DENND3: variants seen among roughly 807,000 people sequenced by gnomAD.
DENND3 encodes DENN domain-containing protein 3.
In DENND3, 88 loss-of-function variants were observed where a neutral mutation model predicts 135.1. The ratio of observed to expected loss-of-function variants is 0.65; its 90% confidence interval spans 0.55 to 0.78. The LOEUF (loss-of-function observed/expected upper bound fraction) is 0.78. DENND3 is among the 30% of genes least tolerant of loss of function. The pLI, the probability that DENND3 is intolerant of heterozygous loss-of-function variation, is 0.00. For missense variants in DENND3, 1,392 were observed against 1,688.4 expected (o/e 0.82, Z 3.08); for synonymous variants, 693 against 712.3 (o/e 0.97, Z 0.43).
rs531691992 is a variant in DENND3 at position 141,175,069 on chromosome 8, C to T, written c.2276-131C>T. On this transcript the variant is annotated intron_variant, in intron 13 of 22. Transcript: ENST00000519811. This position sits in a 1 kb window ranked among gnomAD's most constrained non-coding sequence, Gnocchi z 5.4. ...AACCTTCTAGGCAGTTTCCATCCAG[C>T]GCCCTGAGTGCTGGCGCCACCTGCT... 3.4e-5 allele frequency: 36 copies of T among 1,059,510 alleles called. 1 individual carries two copies. The South Asian group carries it at 3.8e-4, about 11-fold the overall frequency. 65.6% of individuals were successfully genotyped at this position (1,059,510 alleles called of 1,614,324 possible).
At chr8:141,157,815 A>C (rs2154613024) in intron 8 of DENND3, 1 of 968,766 alleles carries the variant, frequency 1.0e-6, no homozygotes, top group East Asian at 1.2e-4. Flanking sequence ...GCTGGGGTGC[A>C]GTGGCGTGAT....
At chr8:141,163,312 G>T (rs780986134) in intron 9 of DENND3, 21 bp from the exon 10 acceptor site, 1 of 1,469,502 alleles carries the variant, frequency 6.8e-7, no homozygotes, top group Admixed American at 1.8e-5. Context: ...TTAGCACTCA[G>T]ACTCTCTTTC....
At chr8:141,194,001 C>T (rs779375075) in intron 22 of DENND3, 32 bp from the exon 23 acceptor site, 4 of 1,605,608 alleles carry the variant, frequency 2.5e-6, no homozygotes, top group South Asian at 1.1e-5. Flanking sequence ...GGGCTTCTTT[C>T]CCTGCTGACC....
intron 1 of DENND3, among the ~76,000 whole-genome samples, 177 bp from the exon 2 acceptor site, chr8:141,136,332 G>A (rs910936058): frequency 3.3e-5 from 5 of 152,112 alleles, no homozygotes; most frequent in African/African-American, 1.2e-4. Context: ...TGAACATAGG[G>A]CCTGGCAGGT....
rs1484605973 is a variant in DENND3, at chr8:141,194,056, G to A, written c.3660G>A (p.Leu1220=). ...AGGTCTGGGTGGGCAGCCGAGGGCT[G>A]GGGCAGGGAACACCCAAGGGGAAAA... is the stretch of plus-strand genomic sequence containing the variant. ...KKQVWVGSRG[L]GQGTPKGKIY... Residue 1220 remains leucine (L), a synonymous_variant, in exon 23 of 23, where the codon CTG becomes CTA. Coordinates refer to ENST00000519811, the MANE Select transcript of DENND3 (RefSeq NM_001352890.3). 5 of 1,613,662 alleles carry A rather than the reference G, an allele frequency of 3.1e-6. No individual in the cohort carries two copies. Among genetic ancestry groups the A allele is most frequent in the Admixed American group, 3.3e-5 (2 of 60,004 alleles).
chr8:141,146,662 G>C lies in DENND3; in HGVS notation c.735+2403G>C, dbSNP rs57293146. On this transcript the variant is annotated intron_variant, in intron 5 of 22. Transcript: ENST00000519811. The surrounding 1 kb of genome is among the most constrained non-coding windows in gnomAD (Gnocchi z 4.3). Reference sequence around the variant, plus strand: ...ACATGATTGTGAACTTAAAATGTGCGTTTTTAACATTACCCCAACCCCAGC... The same window carrying C: ...ACATGATTGTGAACTTAAAATGTGCCTTTTTAACATTACCCCAACCCCAGC... Among the ~76,000 whole-genome samples, 1 of 152,066 alleles carries C rather than the reference G, an allele frequency of 6.6e-6. No homozygotes were observed. The highest frequency in any genetic ancestry group is 2.4e-5 in the African/African-American group (1 of 41,402).
At chr8:141,161,714 T>C (rs1480026631) in intron 9 of DENND3, among the ~76,000 whole-genome samples, 1 of 152,170 alleles carries the variant, frequency 6.6e-6, no homozygotes, top group Admixed American at 6.5e-5. Context: ...TTGAGGGGCC[T>C]TCCGCTTTGG....
chr8:141,190,568 CT>C, intron 20 of DENND3, 151 bp downstream of exon 20: 1 of 1,215,784 alleles, frequency 8.2e-7, no homozygotes, highest in Non-Finnish European at 1.1e-6. Context: ...TCGCAGCAAC[CT>C]TTACTCCACC....
intron 7 of DENND3, among the ~76,000 whole-genome samples, chr8:141,153,453 C>T (rs1190922569): frequency 1.3e-5 from 2 of 152,200 alleles, no homozygotes; most frequent in Non-Finnish European, 2.9e-5. Context: ...TGTCATGCGC[C>T]CCTCACAGTC....
chr8:141,156,042 T>C, intron 8 of DENND3, 72 bp downstream of exon 8: 3 of 1,490,938 alleles, frequency 2.0e-6, no homozygotes, highest in Non-Finnish European at 2.7e-6. Context: ...ACTTCGAGTA[T>C]CTTTTCCAAT....
Position 141,175,007 on chromosome 8 carries a change from A to G in DENND3, c.2276-193A>G, listed in dbSNP as rs1822144027. ...CTAGATCGTGTGCCCCTCCCTTGAC[A>G]GCTGGACACACCTGGGCTGCAGGGA... is the stretch of plus-strand genomic sequence containing the variant. On this transcript the variant is annotated intron_variant, in intron 13 of 22. Transcript: ENST00000519811. The surrounding 1 kb of genome is among the most constrained non-coding windows in gnomAD (Gnocchi z 5.4). Among the ~76,000 whole-genome samples, 1 of 152,118 alleles carries G rather than the reference A, an allele frequency of 6.6e-6. No individual in the cohort carries two copies. The highest frequency in any genetic ancestry group is 1.5e-5 in the Non-Finnish European group (1 of 68,024).
At chr8:141,147,334 T>C (rs531115699) in intron 5 of DENND3, among the ~76,000 whole-genome samples, 1 of 152,206 alleles carries the variant, frequency 6.6e-6, no homozygotes, top group South Asian at 2.1e-4. Flanking sequence ...TATTGGGCTT[T>C]GCTTCTCTTC....
Position 141,145,832 on chromosome 8 carries a change from TATATA to T in DENND3, c.735+1574_735+1578del, listed in dbSNP as rs1818009570. Reference sequence around the variant, plus strand: ...ATATATATATATATATATATATATATATATATATATATATATATGTATTTTTTTTT... The same window carrying T: ...ATATATATATATATATATATATATATTATATATATATATGTATTTTTTTTT... On this transcript the variant is annotated intron_variant, in intron 5 of 22. Coordinates refer to ENST00000519811, the MANE Select transcript of DENND3 (RefSeq NM_001352890.3). Among the ~76,000 whole-genome samples the T allele has an allele frequency of 8.5e-5, 7 of 82,740 alleles. 1 individual carries two copies. Among genetic ancestry groups the T allele is most frequent in the African/African-American group, 6.0e-4 (7 of 11,636 alleles). The allele number at this position is 82,740 out of a possible 152,430, so 54.3% of individuals were successfully genotyped here.
intron 7 of DENND3, among the ~76,000 whole-genome samples, chr8:141,152,832 C>T (rs1339781757): frequency 3.3e-5 from 5 of 152,274 alleles, no homozygotes; most frequent in South Asian, 2.1e-4. Flanking sequence ...AAGCTGTTTT[C>T]GCAAAGCGGC....
Position 141,151,692 on chromosome 8 carries a change from C to T in DENND3, c.929C>T (p.Thr310Ile), listed in dbSNP as rs754630590. Residue 310 changes from threonine (T) to isoleucine (I), a missense_variant, in exon 7 of 23, where the codon ACT becomes ATT. Transcript: ENST00000519811. The part of the protein sequence containing the change: ...SSDWALLTLV[T>I]ECFMAYLYPL... ...GACTGGGCTCTGCTGACGCTGGTCA[C>T]TGAGTGCTTCATGGCCTACCTGTAT... is the stretch of plus-strand genomic sequence containing the variant. The T allele has an allele frequency of 4.3e-6, 7 of 1,614,170 alleles. No individual in the cohort carries two copies. In the South Asian group the frequency reaches 6.6e-5, roughly 15 times the overall value.
chr8:141,172,043 CTT>C (rs1569556334), intron 13 of DENND3, among the ~76,000 whole-genome samples: 3 of 141,004 alleles, frequency 2.1e-5, no homozygotes. Flanking sequence ...TGCACAGTGT[CTT>C]GGGTGAGCAT....
In DENND3 at chr8:141,194,582, T is replaced by G. The variant is rs1401278152; in HGVS notation, c.*349T>G. Reference sequence around the variant, plus strand: ...CACTGGAGCCAGCAGCTTGGCCGAGTCACAGGTGACCCGTGGCCCTCACGT... The same window carrying G: ...CACTGGAGCCAGCAGCTTGGCCGAGGCACAGGTGACCCGTGGCCCTCACGT... On this transcript the variant is annotated 3_prime_UTR_variant, in exon 23 of 23. Transcript: ENST00000519811. The G allele has an allele frequency of 9.7e-6, 3 of 309,280 alleles. No homozygotes were observed. The East Asian group carries it at 2.1e-4, about 22-fold the overall frequency. 19.2% of individuals were successfully genotyped at this position (309,280 alleles called of 1,614,324 possible). A position where few individuals can be genotyped will look rare whatever the true frequency, so the allele number is the denominator to read the frequency against.
chr8:141,141,524 A>C lies in DENND3; in HGVS notation c.623+200A>C, dbSNP rs913537437. 4 of 553,712 alleles carry C rather than the reference A, an allele frequency of 7.2e-6. No individual in the cohort carries two copies. The highest frequency in any genetic ancestry group is 4.0e-5 in the African/African-American group (2 of 50,514). The allele number at this position is 553,712 out of a possible 1,614,324, so 34.3% of individuals were successfully genotyped here. A position where few individuals can be genotyped will look rare whatever the true frequency, so the allele number is the denominator to read the frequency against. On this transcript the variant is annotated intron_variant, in intron 4 of 22. Transcript: ENST00000519811. This position sits in a 1 kb window ranked among gnomAD's most constrained non-coding sequence, Gnocchi z 5.3. ...TAGGCTGTTGCTTAAGGCTGGGGGC[A>C]GTGGGCAGGGGGTGTGGCAGCGGGC...
chr8:141,151,493 C>T (rs1270820862), intron 6 of DENND3, 126 bp from the exon 7 acceptor site: 11 of 844,368 alleles, frequency 1.3e-5, no homozygotes, highest in East Asian at 8.0e-5. Flanking sequence ...CCCAGGAGTT[C>T]GAGGCTGCAG....
Sources: gnomAD v4.1 joint callset for allele counts (sites outside exome capture counted in the v4.1 genomes callset) on GRCh38, gnomAD v4.1.1 for gene constraint, Gnocchi (gnomAD v3.1) non-coding constraint, MANE v1.5 for transcripts, NCBI Gene and HGNC (gene_info 2026-07-23, HGNC 2026-07-21) for gene names.